KIAA1549: variants seen among roughly 807,000 people sequenced by gnomAD.
The protein encoded by KIAA1549 is UPF0606 protein KIAA1549.
Under a neutral mutation model 156.4 loss-of-function variants are expected in KIAA1549, and 70 were observed. The observed-to-expected ratio is 0.45, with a 90% CI of 0.37 to 0.55. The LOEUF is 0.55. KIAA1549 is among the 20% of genes least tolerant of loss of function. The pLI, the probability that KIAA1549 is intolerant of heterozygous loss-of-function variation, is 0.00. For synonymous variants in KIAA1549, 1,103 were observed against 1,066.4 expected (o/e 1.03, Z -0.67); for missense variants, 2,428 against 2,540.9 (o/e 0.96, Z 0.96).
intron 1 of KIAA1549, among the ~76,000 whole-genome samples, chr7:138,951,044 C>T (rs1161892200): frequency 6.6e-6 from 1 of 152,000 alleles, no homozygotes; most frequent in East Asian, 1.9e-4. Context: ...TCCTTTGCAC[C>T]CTCTCTTCTG....
intron 1 of KIAA1549, among the ~76,000 whole-genome samples, chr7:138,930,391 C>T (rs1812836770): frequency 6.6e-6 from 1 of 152,214 alleles, no homozygotes; most frequent in Non-Finnish European, 1.5e-5. Flanking sequence ...TCCTTTGAAG[C>T]TCTGAAGCCA....
At position 138,879,581 on chromosome 7, in the gene KIAA1549, C is replaced by T. The variant is rs748841862; in HGVS notation, c.4302G>A (p.Pro1434=). The change falls in exon 12 of 20, where the codon CCG becomes CCA. Residue 1434 remains proline, a synonymous_variant. Coordinates refer to ENST00000422774, the MANE Select transcript of KIAA1549 (RefSeq NM_001164665.2). The part of the protein sequence containing the change: ...SSERDAGDKT[P]GAVNDGRSHR... ...GGGACCTGCCATCGTTGACGGCTCCCGGCGTCTTATCTCCTGCGTCCCTCT... is the reference window on the plus strand; with the variant it reads ...GGGACCTGCCATCGTTGACGGCTCCTGGCGTCTTATCTCCTGCGTCCCTCT... 49 of 1,569,436 alleles carry T rather than the reference C, an allele frequency of 3.1e-5. No individual in the cohort carries two copies. The highest frequency in any genetic ancestry group is 7.4e-5 in the Admixed American group (4 of 53,936).
chr7:138,918,774 G>A lies in KIAA1549; in HGVS notation c.852C>T (p.Ser284=), dbSNP rs546523488. ...TEGVETTLFL[S]SRSLMPQPLG... Reference sequence around the variant, plus strand: ...ACGGCTGTGGCATTAAAGACCGGGAGCTTAAAAAAAGGGTGGTTTCCACAC... The same window carrying A: ...ACGGCTGTGGCATTAAAGACCGGGAACTTAAAAAAAGGGTGGTTTCCACAC... Residue 284 remains serine, a synonymous_variant, in exon 2 of 20, where the codon AGC becomes AGT. Coordinates refer to ENST00000422774, the MANE Select transcript of KIAA1549 (RefSeq NM_001164665.2). The surrounding 1 kb of genome is among the most constrained non-coding windows in gnomAD (Gnocchi z 4.2). 2.0e-5 allele frequency: 32 copies of A among 1,613,738 alleles called. No individual in the cohort carries two copies. The highest frequency in any genetic ancestry group is 2.5e-5 in the Non-Finnish European group (30 of 1,179,852).
chr7:138,924,413 A>G (rs1812654519), intron 1 of KIAA1549, among the ~76,000 whole-genome samples: 1 of 152,192 alleles, frequency 6.6e-6, no homozygotes. Context: ...AAAAAAAATC[A>G]CAACTATATT....
chr7:138,901,845 G>A lies in KIAA1549; in HGVS notation c.3669+1743C>T, dbSNP rs552695222. Among the ~76,000 whole-genome samples the A allele has an allele frequency of 2.2e-3, 337 of 152,296 alleles. 2 individuals are homozygous for A. The highest frequency in any genetic ancestry group is 7.2e-3 in the African/African-American group (298 of 41,556). On this transcript the variant is annotated intron_variant, in intron 8 of 19. Transcript: ENST00000422774. ...ATCTTCATGTTTGGTCACTCTAAGG[G>A]GAGGAGAAGCAGAGCATGGCTTATA...
At chr7:138,963,578 G>A (rs1584788206) in intron 1 of KIAA1549, among the ~76,000 whole-genome samples, 1 of 152,138 alleles carries the variant, frequency 6.6e-6, no homozygotes, top group South Asian at 2.1e-4. Flanking sequence ...ACCAGATCTA[G>A]GCAAGAACTC....
At chr7:138,911,036 AATC>A (rs1812155614) in intron 4 of KIAA1549, 107 bp downstream of exon 4, 3 of 898,232 alleles carry the variant, frequency 3.3e-6, no homozygotes, top group Admixed American at 3.1e-5. Context: ...TGTCTCTAAA[AATC>A]ATCATCATAA....
chr7:138,911,342 C>G lies in KIAA1549; in HGVS notation c.2968-19G>C, dbSNP rs1279214717. The G allele has an allele frequency of 6.6e-7, 1 of 1,523,838 alleles. No individual in the cohort carries two copies. The highest frequency in any genetic ancestry group is 8.9e-7 in the Non-Finnish European group (1 of 1,124,818). The allele number at this position is 1,523,838 out of a possible 1,614,324, so 94.4% of individuals were successfully genotyped here. ...CGTAAACCTAGGGAAATAAGAAATA[C>G]AAAGACAATTCAAACTTAAAGGAAG... On this transcript the variant is annotated intron_variant, in intron 3 of 19. Transcript: ENST00000422774.
At chr7:138,861,524 G>A in intron 15 of KIAA1549, 68 bp from the exon 16 acceptor site, 1 of 1,239,898 alleles carries the variant, frequency 8.1e-7, no homozygotes, top group Non-Finnish European at 1.2e-6. Flanking sequence ...CAGTTTTCCT[G>A]ACATTGAGGA....
intron 14 of KIAA1549, among the ~76,000 whole-genome samples, 185 bp downstream of exon 14, chr7:138,869,353 G>A (rs1170382335): frequency 7.2e-5 from 11 of 152,244 alleles, no homozygotes; most frequent in South Asian, 2.1e-4. Flanking sequence ...TAAGCCTTCC[G>A]AGTGGCCTCC....
intron 10 of KIAA1549, among the ~76,000 whole-genome samples, chr7:138,891,752 G>C (rs2130429007): frequency 6.6e-6 from 1 of 152,284 alleles, no homozygotes. Context: ...GGGGAGAGCA[G>C]AACGGAGAGA....
At chr7:138,839,397 A>G (rs896374474) in intron 19 of KIAA1549, among the ~76,000 whole-genome samples, 9 of 152,374 alleles carry the variant, frequency 5.9e-5, no homozygotes, top group African/African-American at 1.4e-4. Flanking sequence ...TTGAGTGAAC[A>G]GAAGTCTCAA....
At chr7:138,857,039 T>C (rs1337863169) in intron 16 of KIAA1549, among the ~76,000 whole-genome samples, 7 of 152,188 alleles carry the variant, frequency 4.6e-5, no homozygotes, top group Admixed American at 2.0e-4. Context: ...GCACCTGGTT[T>C]TCAAGCTTCC....
At chr7:138,978,400 A>T (rs1814442491) in intron 1 of KIAA1549, among the ~76,000 whole-genome samples, 1 of 152,232 alleles carries the variant, frequency 6.6e-6, no homozygotes, top group South Asian at 2.1e-4. Context: ...CTAATCACTT[A>T]AGAGCAATGC....
intron 4 of KIAA1549, among the ~76,000 whole-genome samples, chr7:138,909,400 C>T (rs891227180): frequency 2.6e-5 from 4 of 152,110 alleles, no homozygotes; most frequent in African/African-American, 4.8e-5. Flanking sequence ...TGGATGGAAA[C>T]ATTTCAAACA....
chr7:138,895,923 T>C (rs1473983943), intron 9 of KIAA1549, among the ~76,000 whole-genome samples: 1 of 152,018 alleles, frequency 6.6e-6, no homozygotes, highest in Non-Finnish European at 1.5e-5. Context: ...ACACGAAGCA[T>C]ATCTTACTCA....
In KIAA1549 at chr7:138,962,400, G is replaced by A. The variant is rs367569868; in HGVS notation, c.187+18683C>T. 5.9e-5 allele frequency among the ~76,000 whole-genome samples: 9 copies of A among 152,256 alleles called. No homozygotes were observed. The East Asian group carries it at 1.5e-3, about 26-fold the overall frequency. Reference sequence around the variant, plus strand: ...CTATTTCACCACCCATCAGTGGGTAGCCCTATTTCCTCCTGCCCCTTGTGG... The same window carrying A: ...CTATTTCACCACCCATCAGTGGGTAACCCTATTTCCTCCTGCCCCTTGTGG... On this transcript the variant is annotated intron_variant, in intron 1 of 19. Transcript: ENST00000422774.
At position 138,836,385 on chromosome 7, in the gene KIAA1549, C is replaced by CTA. The variant is rs1273079772; in HGVS notation, c.*1519_*1520dup. The CTA allele has an allele frequency of 4.7e-6, 1 of 214,344 alleles. No individual in the cohort carries two copies. Among genetic ancestry groups the CTA allele is most frequent in the East Asian group, 6.9e-5 (1 of 14,462 alleles). The allele number at this position is 214,344 out of a possible 1,614,324, so 13.3% of individuals were successfully genotyped here. A position where few individuals can be genotyped will look rare whatever the true frequency, so the allele number is the denominator to read the frequency against. ...CCACACAGCCCAGGTGTGTAGTAGG[C>CTA]TATACCATGTAGGTTGTGTAAGTAC... On this transcript the variant is annotated 3_prime_UTR_variant, in exon 20 of 20. Transcript: ENST00000422774.
At position 138,916,973 on chromosome 7, in the gene KIAA1549, T is replaced by G. The variant is rs760387202; in HGVS notation, c.2653A>C (p.Thr885Pro). 3.1e-6 allele frequency: 5 copies of G among 1,601,658 alleles called. No homozygotes were observed. The South Asian group carries it at 4.5e-5, about 14-fold the overall frequency. ...VPLNTSTEVS[T>P]TSTGAATGGP... ...CCAGTGGCAGCACCGGTGCTGGTTG[T>G]GCTCACTTCCGTGGAGGTGTTCAGT... The change falls in exon 2 of 20, where the codon ACA (threonine) becomes CCA (proline). Residue 885 changes from threonine (T) to proline (P), a missense_variant. Coordinates refer to ENST00000422774, the MANE Select transcript of KIAA1549 (RefSeq NM_001164665.2).
Sources: gnomAD v4.1 joint callset for allele counts (sites outside exome capture counted in the v4.1 genomes callset) on GRCh38, gnomAD v4.1.1 for gene constraint, Gnocchi (gnomAD v3.1) non-coding constraint, MANE v1.5 for transcripts, NCBI Gene and HGNC (gene_info 2026-07-23, HGNC 2026-07-21) for gene names.